VAV3: variants seen among roughly 807,000 people sequenced by gnomAD.
The protein encoded by VAV3 is vav guanine nucleotide exchange factor 3.
VAV3 carries 94 observed loss-of-function variants against 131.2 expected under a neutral mutation model. The observed-to-expected ratio is 0.72, with a 90% confidence interval of 0.61 to 0.85. VAV3 has a LOEUF of 0.85. VAV3 is among the 40% of genes least tolerant of loss of function. The pLI is 0.00. For missense variants in VAV3, 939 were observed against 1,002.7 expected, an observed-to-expected ratio of 0.94 and a Z score of 0.86; for synonymous variants, 349 against 342.0, an observed-to-expected ratio of 1.02 and a Z score of -0.22.
chr1:107,818,941 T>C (rs1056644193), intron 2 of VAV3, among the ~76,000 whole-genome samples: 2 of 152,198 alleles, frequency 1.3e-5, no homozygotes, highest in Non-Finnish European at 2.9e-5. Flanking sequence ...TCAAAATATA[T>C]AGTTTTATTC....
At chr1:107,945,515 C>T (rs2101299143) in intron 1 of VAV3, among the ~76,000 whole-genome samples, 1 of 152,186 alleles carries the variant, frequency 6.6e-6, no homozygotes, top group South Asian at 2.1e-4. Context: ...CATCGTGAAG[C>T]TTAGATCTAG....
intron 1 of VAV3, among the ~76,000 whole-genome samples, chr1:107,950,762 G>A (rs1201072254): frequency 2.6e-5 from 4 of 152,108 alleles, no homozygotes; most frequent in Non-Finnish European, 4.4e-5. Context: ...GACAGGACTC[G>A]AGAGTACACA....
Position 107,622,539 on chromosome 1 carries a change from A to AC in VAV3, c.1915-4908dup, listed in dbSNP as rs1410587538. ...GTGGCTCATTTATCCCCTTAATACT[A>AC]CCTGGATTGGAGCCTTAATGCACTC... On this transcript the variant is annotated intron_variant, in intron 20 of 26. Coordinates refer to ENST00000370056, the MANE Select transcript of VAV3 (RefSeq NM_006113.5). Among the ~76,000 whole-genome samples, 3 of 152,164 alleles carry AC rather than the reference A, an allele frequency of 2.0e-5. No individual in the cohort carries two copies. The East Asian group carries it at 5.8e-4, about 29-fold the overall frequency.
chr1:107,594,627 T>G (rs1162507224), intron 25 of VAV3, among the ~76,000 whole-genome samples: 1 of 152,098 alleles, frequency 6.6e-6, no homozygotes, highest in African/African-American at 2.4e-5. Context: ...CCTTCTTAGT[T>G]GTCAAACAAG....
At position 107,875,023 on chromosome 1, in the gene VAV3, G is replaced by T; in HGVS notation, c.205-6C>A. ...ATGTTCTTCAAACAGAGAAACTGAG[G>T]AATGGAAAAGAGCTGTTAGCATAAA... is the stretch of plus-strand genomic sequence containing the variant. On this transcript the variant is annotated splice_polypyrimidine_tract_variant and splice_region_variant and intron_variant, in intron 1 of 26. Coordinates refer to ENST00000370056, the MANE Select transcript of VAV3 (RefSeq NM_006113.5). The T allele has an allele frequency of 1.2e-6, 2 of 1,607,154 alleles. No individual in the cohort carries two copies. The highest frequency in any genetic ancestry group is 1.7e-6 in the Non-Finnish European group (2 of 1,174,032).
At chr1:107,726,323 A>C (rs1179320543) in intron 15 of VAV3, among the ~76,000 whole-genome samples, 1 of 152,190 alleles carries the variant, frequency 6.6e-6, no homozygotes, top group Non-Finnish European at 1.5e-5. Context: ...CTTAGGTTTG[A>C]TCCTCACACA....
At chr1:107,956,965 T>C (rs72985466) in intron 1 of VAV3, among the ~76,000 whole-genome samples, 4,764 of 152,158 alleles carry the variant, frequency 0.031, 241 homozygotes, top group African/African-American at 0.11. Flanking sequence ...ATCAGGAAGT[T>C]AAGAGGTGGT....
intron 2 of VAV3, among the ~76,000 whole-genome samples, chr1:107,844,512 G>T (rs1001222258): frequency 6.6e-6 from 1 of 152,276 alleles, no homozygotes. Flanking sequence ...CCAGGAAGCC[G>T]AGTGGTCTTG....
At chr1:107,874,037 TGATAA>T (rs1670371207) in intron 2 of VAV3, among the ~76,000 whole-genome samples, 1 of 152,236 alleles carries the variant, frequency 6.6e-6, no homozygotes, top group Admixed American at 6.5e-5. Context: ...AACAGCCTTT[TGATAA>T]GATACTAGCA....
chr1:107,740,394 T>C (rs1662942941), intron 15 of VAV3, among the ~76,000 whole-genome samples: 1 of 152,166 alleles, frequency 6.6e-6, no homozygotes, highest in African/African-American at 2.4e-5. Flanking sequence ...TCCTTTTCAA[T>C]AAACCATGTG....
intron 15 of VAV3, among the ~76,000 whole-genome samples, chr1:107,718,245 T>C (rs1387106290): frequency 6.6e-6 from 1 of 152,064 alleles, no homozygotes. Context: ...GGTATTCAAT[T>C]AGGAAAAGAG....
At chr1:107,933,427 T>C (rs1441586502) in intron 1 of VAV3, among the ~76,000 whole-genome samples, 1 of 151,904 alleles carries the variant, frequency 6.6e-6, no homozygotes, top group East Asian at 1.9e-4. Context: ...GTCCTCAGAG[T>C]CCATCTACAT....
rs561715926 is a variant in VAV3, at chr1:107,671,717, A to G, written c.1777+11771T>C. Among the ~76,000 whole-genome samples, 52 of 151,920 alleles carry G rather than the reference A, an allele frequency of 3.4e-4. No individual in the cohort carries two copies. In the South Asian group the frequency reaches 5.2e-3, roughly 15 times the overall value. On this transcript the variant is annotated intron_variant, in intron 19 of 26. Coordinates refer to ENST00000370056, the MANE Select transcript of VAV3 (RefSeq NM_006113.5). ...AACTCAAAAGGCAGAGCCATAGAAT[A>G]TTTTTCTTCCTACTTCTGAAAATCC... is the stretch of plus-strand genomic sequence containing the variant.
chr1:107,654,347 A>C (rs1656386503), intron 19 of VAV3, among the ~76,000 whole-genome samples: 1 of 152,066 alleles, frequency 6.6e-6, no homozygotes, highest in African/African-American at 2.4e-5. Context: ...TCAGAGATTT[A>C]GTCTCAAAAT....
At chr1:107,795,815 T>G (rs1244742224) in intron 2 of VAV3, among the ~76,000 whole-genome samples, 1 of 152,226 alleles carries the variant, frequency 6.6e-6, no homozygotes, top group East Asian at 1.9e-4. Context: ...AGAGGGACAT[T>G]TTGACTTTCC....
intron 24 of VAV3, among the ~76,000 whole-genome samples, chr1:107,598,180 C>T (rs1039299379): frequency 6.6e-6 from 1 of 152,088 alleles, no homozygotes; most frequent in African/African-American, 2.4e-5. Context: ...ATGGTGAAAC[C>T]CTGTCTCTAC....
At chr1:107,785,441 A>G in intron 2 of VAV3, 1 of 1,330,746 alleles carries the variant, frequency 7.5e-7, no homozygotes, top group Non-Finnish European at 9.9e-7. Flanking sequence ...AGGAATTCCG[A>G]GGGAAAGGGT....
At chr1:107,651,948 C>T (rs1656204984) in intron 19 of VAV3, among the ~76,000 whole-genome samples, 1 of 152,028 alleles carries the variant, frequency 6.6e-6, no homozygotes. Context: ...TTTAGTCATG[C>T]TTTCTTAGGG....
At chr1:107,625,093 A>G (rs1181081546) in intron 20 of VAV3, among the ~76,000 whole-genome samples, 1 of 151,942 alleles carries the variant, frequency 6.6e-6, no homozygotes, top group Non-Finnish European at 1.5e-5. Context: ...ACAGAGCACG[A>G]CCTAAGGATT....
Sources: allele counts gnomAD v4.1 joint callset (sites outside exome capture counted in the v4.1 genomes callset), GRCh38; gene constraint gnomAD v4.1.1; transcripts MANE v1.5; gene names NCBI Gene and HGNC (gene_info 2026-07-23, HGNC 2026-07-21).